AMPH: variants seen among roughly 807,000 people sequenced by gnomAD.
The protein encoded by AMPH is amphiphysin.
In AMPH, 49 loss-of-function variants were observed where a neutral mutation model predicts 99.1. The ratio of observed to expected loss-of-function variants is 0.49; its 90% CI spans 0.39 to 0.63. The LOEUF (loss-of-function observed/expected upper bound fraction) is 0.63. Among genes scored for constraint, AMPH ranks in the 20% least tolerant of loss-of-function variants. The pLI is 0.00. For missense variants in AMPH, 759 were observed against 863.4 expected, an observed-to-expected ratio of 0.88 and a Z score of 1.52; for synonymous variants, 314 against 317.3, an observed-to-expected ratio of 0.99 and a Z score of 0.11.
intron 4 of AMPH, among the ~76,000 whole-genome samples, chr7:38,493,944 TG>T (rs1788824170): frequency 2.0e-5 from 3 of 152,174 alleles, no homozygotes; most frequent in African/African-American, 7.2e-5. Context: ...AGTGGTTTTA[TG>T]ATCATCTTCA....
chr7:38,462,222 C>T (rs185640145), intron 10 of AMPH, among the ~76,000 whole-genome samples: 8 of 152,188 alleles, frequency 5.3e-5, no homozygotes, highest in East Asian at 3.9e-4. Context: ...GTTCTCGGCG[C>T]GTTTAAGGTA....
At chr7:38,478,859 G>A (rs10267691) in intron 5 of AMPH, among the ~76,000 whole-genome samples, 1 of 151,762 alleles carries the variant, frequency 6.6e-6, no homozygotes, top group Non-Finnish European at 1.5e-5. Flanking sequence ...TACTAAACTC[G>A]AAAAAGCTGA....
intron 4 of AMPH, 94 bp from the exon 5 acceptor site, chr7:38,491,239 T>G (rs1010965428): frequency 1.2e-6 from 1 of 828,912 alleles, no homozygotes; most frequent in Non-Finnish European, 2.0e-6. Context: ...ATTAGACAAG[T>G]AATACTTTCC....
intron 2 of AMPH, among the ~76,000 whole-genome samples, chr7:38,514,484 T>A (rs1789660809): frequency 6.6e-6 from 1 of 152,222 alleles, no homozygotes; most frequent in African/African-American, 2.4e-5. Context: ...GGTTTCAATG[T>A]CCCTGCCAAA....
At chr7:38,437,639 A>AG (rs1554336211) in intron 11 of AMPH, among the ~76,000 whole-genome samples, 5 of 96,738 alleles carry the variant, frequency 5.2e-5, no homozygotes, top group African/African-American at 9.0e-5. Context: ...AAAAAAAAAA[A>AG]AAAAGAAAAG....
chr7:38,555,497 G>C (rs966443964), intron 1 of AMPH, among the ~76,000 whole-genome samples: 3 of 152,082 alleles, frequency 2.0e-5, no homozygotes, highest in Non-Finnish European at 4.4e-5. Context: ...GCAAGGGCTG[G>C]CCTTGACAAA....
At chr7:38,445,010 T>TATATATATATACACACACACAC (rs1458295332) in intron 11 of AMPH, among the ~76,000 whole-genome samples, 1 of 125,986 alleles carries the variant, frequency 7.9e-6, no homozygotes, top group South Asian at 2.8e-4. Context: ...TATATATATA[T>TATATATATATACACACACACAC]ACACACACAC....
intron 1 of AMPH, among the ~76,000 whole-genome samples, chr7:38,570,983 TCAATATATATATATTC>T (rs1354261915): frequency 0.13 from 1,039 of 8,004 alleles, 217 homozygotes; most frequent in Non-Finnish European, 0.15. Flanking sequence ...ATATATATAT[TCAATATATATATATTC>T]ATATATATAG....
intron 1 of AMPH, among the ~76,000 whole-genome samples, chr7:38,588,331 T>G (rs1412176098): frequency 6.6e-6 from 1 of 152,082 alleles, no homozygotes. Flanking sequence ...TCTCCCAACT[T>G]TAGTTCTGCA....
intron 11 of AMPH, among the ~76,000 whole-genome samples, chr7:38,441,738 T>C (rs1166228537): frequency 6.8e-6 from 1 of 147,872 alleles, no homozygotes; most frequent in Non-Finnish European, 1.5e-5. Context: ...ATGATATATA[T>C]GACAGATATA....
intron 1 of AMPH, among the ~76,000 whole-genome samples, chr7:38,550,225 A>G (rs1791132107): frequency 6.6e-6 from 1 of 152,224 alleles, no homozygotes; most frequent in African/African-American, 2.4e-5. Flanking sequence ...GGGTCCTCAC[A>G]CCAGCATCAG....
intron 1 of AMPH, among the ~76,000 whole-genome samples, chr7:38,612,357 T>C (rs1793717849): frequency 6.6e-6 from 1 of 152,132 alleles, no homozygotes; most frequent in South Asian, 2.1e-4. Flanking sequence ...ATTACAGGCA[T>C]GAACCACCGC....
chr7:38,623,761 A>G (rs1270295453), intron 1 of AMPH, among the ~76,000 whole-genome samples: 1 of 152,208 alleles, frequency 6.6e-6, no homozygotes, highest in Admixed American at 6.5e-5. Flanking sequence ...ACCATCCACA[A>G]TATTTCTCCT....
chr7:38,582,320 C>T (rs141397259), intron 1 of AMPH, among the ~76,000 whole-genome samples: 1,820 of 152,264 alleles, frequency 0.012, 23 homozygotes, highest in Non-Finnish European at 0.018. Flanking sequence ...ATGACCTTGA[C>T]AGCAGTTTAA....
chr7:38,483,128 A>C (rs909100333), intron 5 of AMPH, among the ~76,000 whole-genome samples: 1 of 152,098 alleles, frequency 6.6e-6, no homozygotes, highest in Non-Finnish European at 1.5e-5. Context: ...ATAGGACAGC[A>C]CATCTAGCAT....
chr7:38,406,373 G>T (rs7796614), intron 17 of AMPH, among the ~76,000 whole-genome samples: 2,390 of 151,958 alleles, frequency 0.016, 61 homozygotes, highest in African/African-American at 0.055. Flanking sequence ...GATCAGAGCG[G>T]AACTAAATGA....
Position 38,384,058 on chromosome 7 carries a change from G to GTCATC in AMPH, c.*755_*759dup, listed in dbSNP as rs2128970899. 6.6e-6 allele frequency: 1 copy of GTCATC among 152,474 alleles called. No homozygotes were observed. Among genetic ancestry groups the GTCATC allele is most frequent in the East Asian group, 1.9e-4 (1 of 5,182 alleles). The allele number at this position is 152,474 out of a possible 1,614,324, so 9.4% of individuals were successfully genotyped here. On this transcript the variant is annotated 3_prime_UTR_variant, in exon 21 of 21. Coordinates refer to ENST00000356264, the MANE Select transcript of AMPH (RefSeq NM_001635.4). ...GTGCCTCAGTGTAGTCGTGCTATCT[G>GTCATC]TCATCTCATCCTGAAAACTGCACAG...
At position 38,628,157 on chromosome 7, in the gene AMPH, A is replaced by G. The variant is rs1291638636; in HGVS notation, c.69+3126T>C. Among the ~76,000 whole-genome samples the G allele has an allele frequency of 2.0e-5, 3 of 152,258 alleles. No homozygotes were observed. The East Asian group carries it at 5.8e-4, about 29-fold the overall frequency. ...AGAAAACGGGCAGAAATATAAAAGCACAATTCAAGAACAAAAACACGAATG... is the reference window on the plus strand; with the variant it reads ...AGAAAACGGGCAGAAATATAAAAGCGCAATTCAAGAACAAAAACACGAATG... On this transcript the variant is annotated intron_variant, in intron 1 of 20. Transcript: ENST00000356264.
At chr7:38,434,612 G>A (rs1254028291) in intron 12 of AMPH, among the ~76,000 whole-genome samples, 5 of 152,032 alleles carry the variant, frequency 3.3e-5, no homozygotes, top group Non-Finnish European at 5.9e-5. Context: ...GGTGGCAGGC[G>A]CCTGTAGTCC....
Sources: gnomAD v4.1 joint callset for allele counts (sites outside exome capture counted in the v4.1 genomes callset) on GRCh38, gnomAD v4.1.1 for gene constraint, MANE v1.5 for transcripts, NCBI Gene and HGNC (gene_info 2026-07-23, HGNC 2026-07-21) for gene names.